The following ELF2 variants were observed in gnomAD, a reference collection of about 807,000 sequenced individuals.
The protein encoded by ELF2 is E74 like ETS transcription factor 2.
In ELF2, 11 loss-of-function variants were observed where a neutral mutation model predicts 54.8. The ratio of observed to expected loss-of-function variants is 0.20; its 90% CI spans 0.13 to 0.33. The LOEUF is 0.33. Ranked by LOEUF, ELF2 falls within the 10% of genes least tolerant of loss-of-function variation. The pLI, the probability that ELF2 is intolerant of heterozygous loss-of-function variation, is 1.00. For synonymous variants in ELF2, 203 were observed against 245.1 expected, an observed-to-expected ratio of 0.83 and a Z score of 1.61; for missense variants, 513 against 703.0, an observed-to-expected ratio of 0.73 and a Z score of 3.06.
intron 4 of ELF2, among the ~76,000 whole-genome samples, chr4:139,099,679 C>T (rs1246276155): frequency 6.6e-6 from 1 of 152,120 alleles, no homozygotes; most frequent in Non-Finnish European, 1.5e-5. Flanking sequence ...CCAGACTGAC[C>T]CAGGCCATTT....
intron 1 of ELF2, among the ~76,000 whole-genome samples, chr4:139,153,938 C>G (rs144686222): frequency 3.3e-4 from 51 of 152,292 alleles, no homozygotes; most frequent in African/African-American, 1.1e-3. Context: ...TACTCTCCCC[C>G]TCTTTATTTT....
intron 4 of ELF2, chr4:139,115,521 C>T (rs1489417095): frequency 6.6e-5 from 27 of 407,084 alleles, no homozygotes; most frequent in Non-Finnish European, 8.0e-5. Context: ...AGCCCCCGGG[C>T]CTGGCCTGGC....
chr4:139,170,831 C>T (rs533713489), intron 1 of ELF2, among the ~76,000 whole-genome samples: 1 of 151,708 alleles, frequency 6.6e-6, no homozygotes, highest in African/African-American at 2.4e-5. Context: ...CTGCAACCTC[C>T]GCCTCCCAGG....
chr4:139,107,745 CAT>C (rs771550633), intron 4 of ELF2, among the ~76,000 whole-genome samples: 1 of 152,124 alleles, frequency 6.6e-6, no homozygotes, highest in Non-Finnish European at 1.5e-5. Flanking sequence ...GATTTAGAAA[CAT>C]GTGAATGTTG....
rs1359669946 is a variant in ELF2 at position 139,060,341 on chromosome 4, T to C, written c.1140A>G (p.Ser380=). 1.9e-6 allele frequency: 3 copies of C among 1,604,188 alleles called. No homozygotes were observed. In the African/African-American group the frequency reaches 4.0e-5, roughly 22 times the overall value. Residue 380 remains serine (S), a synonymous_variant, in exon 9 of 10, where the codon TCA becomes TCG. Coordinates refer to ENST00000686138, the MANE Select transcript of ELF2 (RefSeq NM_001331036.3). ...SRSPTTTASV[S]ATAAPRTVRV... is the part of the protein sequence containing the mutation. Reference sequence around the variant, plus strand: ...TCACTTACCTTGGAGCTGCTGTTGCTGACACAGATGCAGTGGTAGTAGGAG... The same window carrying C: ...TCACTTACCTTGGAGCTGCTGTTGCCGACACAGATGCAGTGGTAGTAGGAG...
chr4:139,073,530 T>C lies in ELF2; in HGVS notation c.276A>G (p.Thr92=). Residue 92 remains threonine (T), a synonymous_variant, in exon 5 of 10, where the codon ACA becomes ACG. Coordinates refer to ENST00000686138, the MANE Select transcript of ELF2 (RefSeq NM_001331036.3). ...ASVHSSNAHC[T]DKTIEAAEAL... The stretch of plus-strand genomic sequence containing the variant: ...CTTCAGCAGCTTCAATTGTCTTATC[T>C]GTACAGTGTGCATTACTGCTGTGAA... 6.2e-7 allele frequency: 1 copy of C among 1,605,536 alleles called. No homozygotes were observed. The highest frequency in any genetic ancestry group is 8.5e-7 in the Non-Finnish European group (1 of 1,174,424).
intron 1 of ELF2, among the ~76,000 whole-genome samples, chr4:139,173,031 T>G (rs906838456): frequency 6.6e-6 from 1 of 151,812 alleles, no homozygotes; most frequent in African/African-American, 2.4e-5. Flanking sequence ...TACAAAAGAC[T>G]ACATATTGTA....
chr4:139,092,416 C>CAAACATAACAT (rs1240867222), intron 4 of ELF2, among the ~76,000 whole-genome samples: 8 of 41,070 alleles, frequency 1.9e-4, no homozygotes. Flanking sequence ...ACATAACATA[C>CAAACATAACAT]ATAACATAAC....
chr4:139,062,209 C>T (rs1025151480), intron 7 of ELF2, 152 bp from the exon 8 acceptor site: 74 of 757,734 alleles, frequency 9.8e-5, no homozygotes, highest in Non-Finnish European at 1.3e-4. Flanking sequence ...CTTGCTCTGT[C>T]GCCCAGGCTG....
chr4:139,108,464 C>T (rs1295332056), intron 4 of ELF2, among the ~76,000 whole-genome samples: 1 of 152,068 alleles, frequency 6.6e-6, no homozygotes, highest in Non-Finnish European at 1.5e-5. Flanking sequence ...TACAGAATCT[C>T]TCAGGCCCCA....
At chr4:139,098,474 T>C (rs1416695811) in intron 4 of ELF2, among the ~76,000 whole-genome samples, 1 of 151,150 alleles carries the variant, frequency 6.6e-6, no homozygotes, top group Non-Finnish European at 1.5e-5. Context: ...TAAAACTTTT[T>C]TTTTTTTTTT....
chr4:139,163,042 G>A (rs1471141317), intron 1 of ELF2, among the ~76,000 whole-genome samples: 2 of 152,106 alleles, frequency 1.3e-5, no homozygotes, highest in Non-Finnish European at 2.9e-5. Flanking sequence ...GTTATAGTAC[G>A]CTATGATCAT....
chr4:139,153,808 TTTATC>T (rs1349321247), intron 1 of ELF2, among the ~76,000 whole-genome samples: 1 of 152,246 alleles, frequency 6.6e-6, no homozygotes, highest in East Asian at 1.9e-4. Flanking sequence ...CTCTGTTTAC[TTTATC>T]TTATGTAAAA....
intron 4 of ELF2, among the ~76,000 whole-genome samples, chr4:139,117,262 C>T (rs537164847): frequency 6.6e-6 from 1 of 152,032 alleles, no homozygotes; most frequent in East Asian, 1.9e-4. Context: ...TAATATTTTA[C>T]GATTAAAATG....
chr4:139,058,338 G>C lies in ELF2; in HGVS notation c.*645C>G, dbSNP rs1727308132. 1 of 150,312 alleles carries C rather than the reference G, an allele frequency of 6.7e-6. No individual in the cohort carries two copies. The highest frequency in any genetic ancestry group is 2.1e-4 in the South Asian group (1 of 4,796). The allele number at this position is 150,312 out of a possible 1,614,324, so 9.3% of individuals were successfully genotyped here. A position where few individuals can be genotyped will look rare whatever the true frequency, so the allele number is the denominator to read the frequency against. Reference sequence around the variant, plus strand: ...CAAGCCATTAGCTTATTTCAAGAAAGAAAATCGAAAATTAGTCTAAGGCCT... The same window carrying C: ...CAAGCCATTAGCTTATTTCAAGAAACAAAATCGAAAATTAGTCTAAGGCCT... On this transcript the variant is annotated 3_prime_UTR_variant, in exon 10 of 10. Coordinates refer to ENST00000686138, the MANE Select transcript of ELF2 (RefSeq NM_001331036.3).
chr4:139,065,116 T>A (rs1042913320), intron 7 of ELF2, among the ~76,000 whole-genome samples: 5 of 152,188 alleles, frequency 3.3e-5, no homozygotes, highest in African/African-American at 1.2e-4. Context: ...GACAATGCCC[T>A]GTACATAAGA....
intron 4 of ELF2, among the ~76,000 whole-genome samples, chr4:139,079,039 C>A (rs1400044485): frequency 1.3e-5 from 2 of 152,046 alleles, no homozygotes; most frequent in African/African-American, 4.8e-5. Context: ...GATCCTCCTA[C>A]CTCAGCGTCT....
chr4:139,146,224 C>T (rs1472335670), intron 1 of ELF2, among the ~76,000 whole-genome samples: 2 of 152,178 alleles, frequency 1.3e-5, no homozygotes, highest in Non-Finnish European at 2.9e-5. Flanking sequence ...CACTGCTATA[C>T]AACAACGACC....
intron 4 of ELF2, among the ~76,000 whole-genome samples, chr4:139,124,855 T>C (rs1038791529): frequency 2.0e-5 from 3 of 152,172 alleles, no homozygotes; most frequent in African/African-American, 7.2e-5. Context: ...TACTAGCCTA[T>C]TGACTTGTAT....
Sources: gnomAD v4.1 joint callset for allele counts (sites outside exome capture counted in the v4.1 genomes callset) on GRCh38, gnomAD v4.1.1 for gene constraint, MANE v1.5 for transcripts, NCBI Gene and HGNC (gene_info 2026-07-23, HGNC 2026-07-21) for gene names.